Variants in ZNF721 observed in about 807,000 individuals in gnomAD.
ZNF721 encodes zinc finger protein 721.
A neutral mutation model predicts 2.4 loss-of-function variants in ZNF721; 2 were observed. That is an observed-to-expected ratio of 0.82 (90% CI 0.34 to 2.58). The LOEUF (loss-of-function observed/expected upper bound fraction) is 2.58. ZNF721 is among the 30% of genes most tolerant of loss of function. ZNF721 has a pLI of 0.11. For synonymous variants in ZNF721, 398 were observed against 381.8 expected (o/e 1.04, Z -0.50); for missense variants, 1,187 against 1,085.5 (o/e 1.09, Z -1.31).
chr4:440,544 C>T lies in ZNF721; in HGVS notation c.*1151G>A, dbSNP rs577489515. 7.2e-5 allele frequency: 11 copies of T among 152,206 alleles called. No individual in the cohort carries two copies. The South Asian group carries it at 2.3e-3, about 32-fold the overall frequency. The allele number at this position is 152,206 out of a possible 1,614,324, so 9.4% of individuals were successfully genotyped here. A position where few individuals can be genotyped will look rare whatever the true frequency, so the allele number is the denominator to read the frequency against. ...TATTTTAAAGTCTGAAGTGTTAGTT[C>T]CTTAGTTCTTTCTACTGTAAATCCT... On this transcript the variant is annotated 3_prime_UTR_variant, in exon 3 of 3. Transcript: ENST00000511833.
rs1167085654 is a variant in ZNF721, at chr4:441,498, T to C, written c.*197A>G. 5.5e-6 allele frequency: 3 copies of C among 549,018 alleles called. No homozygotes were observed. The African/African-American group carries it at 5.6e-5, about 10-fold the overall frequency. The allele number at this position is 549,018 out of a possible 1,614,324, so 34.0% of individuals were successfully genotyped here. On this transcript the variant is annotated 3_prime_UTR_variant, in exon 3 of 3. Coordinates refer to ENST00000511833, the MANE Select transcript of ZNF721 (RefSeq NM_133474.4). ...TAATTACTCTTATGTCTACAACAGA[T>C]TGAGGTGTGATTAAAAGCCTTCTCA...
chr4:472,848 G>C (rs1340985998), intron 1 of ZNF721, 147 bp from the exon 2 acceptor site: 1 of 1,152,442 alleles, frequency 8.7e-7, no homozygotes, highest in Non-Finnish European at 1.2e-6. Context: ...GTATTCTATA[G>C]CTCTGCGGAA....
intron 2 of ZNF721, among the ~76,000 whole-genome samples, chr4:445,224 C>T (rs533769233): frequency 5.3e-5 from 8 of 152,144 alleles, no homozygotes; most frequent in African/African-American, 1.9e-4. Context: ...ACCTCGTGAT[C>T]CACCTGCCTC....
At chr4:486,183 G>T (rs10032761) in intron 1 of ZNF721, among the ~76,000 whole-genome samples, 1 of 147,336 alleles carries the variant, frequency 6.8e-6, no homozygotes, top group Non-Finnish European at 1.5e-5. Flanking sequence ...TTTTTGAGAC[G>T]GAGTCTCGCT....
rs1055300396 is a variant in ZNF721 at position 494,958 on chromosome 4, C to T, written c.-94+4098G>A. ...AGGCTGGAGTGCAGTGGCGCCATCT[C>T]GGCTCACTGCAAGCTCCGGGTTCAC... On this transcript the variant is annotated intron_variant, in intron 1 of 2. Transcript: ENST00000511833. Among the ~76,000 whole-genome samples the T allele has an allele frequency of 2.7e-5, 4 of 149,606 alleles. No individual in the cohort carries two copies. The South Asian group carries it at 8.4e-4, about 31-fold the overall frequency.
chr4:497,694 C>T (rs1316870747), intron 1 of ZNF721, among the ~76,000 whole-genome samples: 1 of 147,518 alleles, frequency 6.8e-6, no homozygotes, highest in Non-Finnish European at 1.5e-5. Flanking sequence ...TGAGACCATC[C>T]TGGCTAACAT....
intron 1 of ZNF721, among the ~76,000 whole-genome samples, chr4:477,344 T>C (rs1553868801): frequency 6.7e-6 from 1 of 148,648 alleles, no homozygotes; most frequent in East Asian, 2.0e-4. Flanking sequence ...TTCATGCCAT[T>C]CTCCTGCCTC....
intron 2 of ZNF721, among the ~76,000 whole-genome samples, chr4:468,572 A>C (rs1313473726): frequency 3.9e-5 from 6 of 152,166 alleles, no homozygotes; most frequent in African/African-American, 1.2e-4. Context: ...TCCTCAAGGA[A>C]ATCTAATCTT....
intron 2 of ZNF721, among the ~76,000 whole-genome samples, chr4:450,085 C>G (rs1182001732): frequency 6.6e-6 from 1 of 152,136 alleles, no homozygotes; most frequent in Non-Finnish European, 1.5e-5. Flanking sequence ...CACACACACA[C>G]AGAAAAAATA....
At chr4:457,617 A>C (rs77854049) in intron 2 of ZNF721, among the ~76,000 whole-genome samples, 3 of 152,182 alleles carry the variant, frequency 2.0e-5, no homozygotes, top group Admixed American at 1.3e-4. Context: ...CCCTTTGCAC[A>C]TATCAGTCAT....
intron 1 of ZNF721, among the ~76,000 whole-genome samples, chr4:498,332 AGTTTCTGG>A (rs1553873120): frequency 6.6e-6 from 1 of 151,680 alleles, no homozygotes; most frequent in Non-Finnish European, 1.5e-5. Context: ...AAATGGTTGC[AGTTTCTGG>A]GTTTCTGATA....
chr4:487,858 A>C (rs1234066421), intron 1 of ZNF721, among the ~76,000 whole-genome samples: 1 of 151,912 alleles, frequency 6.6e-6, no homozygotes, highest in East Asian at 1.9e-4. Flanking sequence ...CAAAAGGAAA[A>C]ACCTCATCTA....
intron 1 of ZNF721, among the ~76,000 whole-genome samples, chr4:487,975 C>T (rs1715937338): frequency 6.6e-6 from 1 of 152,210 alleles, no homozygotes; most frequent in Non-Finnish European, 1.5e-5. Flanking sequence ...GGGCCAAGCA[C>T]AGACCATGCC....
intron 1 of ZNF721, among the ~76,000 whole-genome samples, chr4:490,525 CTTGT>C (rs1449967459): frequency 8.4e-4 from 127 of 151,988 alleles, no homozygotes; most frequent in Admixed American, 2.1e-3. Context: ...AACAATTTCA[CTTGT>C]TTCTTTTTAT....
intron 1 of ZNF721, among the ~76,000 whole-genome samples, chr4:485,832 A>G (rs10001047): frequency 0.99 from 151,305 of 152,240 alleles, 75,197 homozygotes; most frequent in Middle Eastern, 1. Context: ...AAAACTATCC[A>G]GGCGTGCTGG....
intron 1 of ZNF721, among the ~76,000 whole-genome samples, chr4:497,225 GTTT>G (rs1446233052): frequency 6.6e-6 from 1 of 151,884 alleles, no homozygotes; most frequent in African/African-American, 2.4e-5. Flanking sequence ...CAAAAAAGGA[GTTT>G]TTTAACAGCA....
At chr4:495,490 AGG>A (rs1347064812) in intron 1 of ZNF721, among the ~76,000 whole-genome samples, 5 of 147,088 alleles carry the variant, frequency 3.4e-5, no homozygotes, top group Admixed American at 2.7e-4. Flanking sequence ...TCTCTCGATC[AGG>A]GGTAGCTTTG....
At chr4:471,654 G>A (rs936415629) in intron 2 of ZNF721, among the ~76,000 whole-genome samples, 4 of 152,048 alleles carry the variant, frequency 2.6e-5, no homozygotes. Context: ...ATGTACATTA[G>A]CATTAGATTA....
At chr4:470,636 C>A (rs1308167938) in intron 2 of ZNF721, among the ~76,000 whole-genome samples, 1 of 152,022 alleles carries the variant, frequency 6.6e-6, no homozygotes, top group Admixed American at 6.6e-5. Flanking sequence ...ATCGCTTGAA[C>A]CCAGGAGGCA....
Sources: allele counts gnomAD v4.1 joint callset (sites outside exome capture counted in the v4.1 genomes callset), GRCh38; gene constraint gnomAD v4.1.1; transcripts MANE v1.5; gene names NCBI Gene and HGNC (gene_info 2026-07-23, HGNC 2026-07-21).